PDE9A: variants seen among roughly 807,000 people sequenced by gnomAD.
PDE9A encodes phosphodiesterase 9A.
Under a neutral mutation model 87.4 loss-of-function variants are expected in PDE9A, and 60 were observed. The observed-to-expected ratio is 0.69, with a 90% CI of 0.56 to 0.85. The LOEUF (loss-of-function observed/expected upper bound fraction) is 0.85, where lower values mean the gene tolerates loss of function less well. PDE9A is among the 40% of genes least tolerant of loss of function. PDE9A has a pLI of 0.00. For missense variants in PDE9A, 665 were observed against 779.0 expected (o/e 0.85, Z 1.74); for synonymous variants, 272 against 279.4 (o/e 0.97, Z 0.27).
chr21:42,680,659 C>T (rs1056255433), intron 1 of PDE9A, among the ~76,000 whole-genome samples: 37 of 152,342 alleles, frequency 2.4e-4, no homozygotes, highest in Admixed American at 6.5e-4. Flanking sequence ...CCAGTCAAAC[C>T]GTGTGCCTGA....
chr21:42,663,684 AT>A (rs780399839), intron 1 of PDE9A, among the ~76,000 whole-genome samples: 4 of 152,020 alleles, frequency 2.6e-5, no homozygotes, highest in Admixed American at 6.6e-5. Context: ...TTGCAGCAGT[AT>A]GTCCTCATGC....
At chr21:42,715,525 G>A (rs887301921) in intron 4 of PDE9A, among the ~76,000 whole-genome samples, 8 of 151,726 alleles carry the variant, frequency 5.3e-5, no homozygotes, top group African/African-American at 1.9e-4. Context: ...TACTTGGCAG[G>A]GGAATCGCTT....
In PDE9A at chr21:42,759,727, T is replaced by C. The variant is rs2055483011; in HGVS notation, c.898-601T>C. 6.7e-6 allele frequency among the ~76,000 whole-genome samples: 1 copy of C among 148,212 alleles called. No individual in the cohort carries two copies. Among genetic ancestry groups the C allele is most frequent in the East Asian group, 2.0e-4 (1 of 5,046 alleles). ...CTGTGTGTGGGTGTGTGTGAGGGTGTGTGTGCATGTGTGTATCTGTGGATG... is the reference window on the plus strand; with the variant it reads ...CTGTGTGTGGGTGTGTGTGAGGGTGCGTGTGCATGTGTGTATCTGTGGATG... On this transcript the variant is annotated intron_variant, in intron 11 of 19. Transcript: ENST00000291539. The surrounding 1 kb of genome is among the most constrained non-coding windows in gnomAD (Gnocchi z 7.2).
chr21:42,727,313 G>A (rs556370801), intron 4 of PDE9A, among the ~76,000 whole-genome samples: 2 of 151,996 alleles, frequency 1.3e-5, no homozygotes, highest in Admixed American at 1.3e-4. Context: ...TTGAGTGACT[G>A]TAAATGGTAC....
In PDE9A at chr21:42,760,920, T is replaced by C. The variant is rs1352941943; in HGVS notation, c.1085+13T>C. On this transcript the variant is annotated intron_variant, in intron 13 of 19. Coordinates refer to ENST00000291539, the MANE Select transcript of PDE9A (RefSeq NM_002606.3). This position sits in a 1 kb window ranked among gnomAD's most constrained non-coding sequence, Gnocchi z 5.2. ...GCTACAACAACACGTATGTACAGGA[T>C]TTTCTCTTTTTTTCCTTTTAAAAGG... 1.9e-6 allele frequency: 3 copies of C among 1,569,160 alleles called. No individual in the cohort carries two copies. The highest frequency in any genetic ancestry group is 2.6e-6 in the Non-Finnish European group (3 of 1,139,030).
At chr21:42,748,052 A>G (rs1435506452) in intron 8 of PDE9A, among the ~76,000 whole-genome samples, 2 of 152,182 alleles carry the variant, frequency 1.3e-5, no homozygotes, top group Non-Finnish European at 2.9e-5. Flanking sequence ...CAGCTCTGGT[A>G]TCTGCAAGGA....
chr21:42,742,384 G>C (rs973412404), intron 7 of PDE9A, among the ~76,000 whole-genome samples: 4 of 151,866 alleles, frequency 2.6e-5, no homozygotes, highest in African/African-American at 9.7e-5. Flanking sequence ...CTTAGTGGGT[G>C]GTGGGAAGCC....
At chr21:42,725,905 A>C (rs2050984528) in intron 4 of PDE9A, among the ~76,000 whole-genome samples, 1 of 152,186 alleles carries the variant, frequency 6.6e-6, no homozygotes. Context: ...TGAAGAACCT[A>C]CCAGACTGTT....
At chr21:42,709,104 A>G (rs2049075091) in intron 4 of PDE9A, among the ~76,000 whole-genome samples, 1 of 152,234 alleles carries the variant, frequency 6.6e-6, no homozygotes, top group Non-Finnish European at 1.5e-5. Context: ...CATATACACC[A>G]TGGAATACTA....
chr21:42,681,446 CAT>C (rs1247768176), intron 1 of PDE9A, among the ~76,000 whole-genome samples: 1 of 152,228 alleles, frequency 6.6e-6, no homozygotes, highest in Non-Finnish European at 1.5e-5. Flanking sequence ...GAGCCACACA[CAT>C]CTCTGTGTGC....
chr21:42,698,800 A>C (rs1279914274), intron 3 of PDE9A, 168 bp from the exon 4 acceptor site: 2 of 482,458 alleles, frequency 4.1e-6, no homozygotes, highest in African/African-American at 4.0e-5. Context: ...AATTCATCTG[A>C]GTAAGGAAGC....
chr21:42,732,370 C>T (rs1045200788), intron 6 of PDE9A, among the ~76,000 whole-genome samples: 1 of 152,156 alleles, frequency 6.6e-6, no homozygotes, highest in Non-Finnish European at 1.5e-5. Flanking sequence ...AATGTGAGCT[C>T]GTGAGGTCGA....
At chr21:42,703,052 C>A (rs2048503207) in intron 4 of PDE9A, among the ~76,000 whole-genome samples, 1 of 152,114 alleles carries the variant, frequency 6.6e-6, no homozygotes, top group Non-Finnish European at 1.5e-5. Flanking sequence ...GGGGTGGGGG[C>A]CATGGAGGTG....
intron 4 of PDE9A, among the ~76,000 whole-genome samples, chr21:42,706,186 A>T (rs1289422363): frequency 1.3e-5 from 2 of 152,232 alleles, no homozygotes; most frequent in Non-Finnish European, 2.9e-5. Flanking sequence ...ATGCATTTAC[A>T]GTCCAGCCGC....
In PDE9A at chr21:42,675,691, T is replaced by C. The variant is rs1296212484; in HGVS notation, c.70-10501T>C. 2.6e-5 allele frequency among the ~76,000 whole-genome samples: 4 copies of C among 152,160 alleles called. No homozygotes were observed. ...ATAAGAGGAGAGTCCCATGCAGCCA[T>C]AAGAAAGACAACGGAGAGATCTGTG... On this transcript the variant is annotated intron_variant, in intron 1 of 19. Coordinates refer to ENST00000291539, the MANE Select transcript of PDE9A (RefSeq NM_002606.3). This position sits in a 1 kb window ranked among gnomAD's most constrained non-coding sequence, Gnocchi z 4.3.
Position 42,716,322 on chromosome 21 carries a change from A to G in PDE9A, c.263-15448A>G, listed in dbSNP as rs553067568. 1.5e-4 allele frequency among the ~76,000 whole-genome samples: 23 copies of G among 151,896 alleles called. 1 individual carries two copies. The East Asian group carries it at 2.9e-3, about 19-fold the overall frequency. ...AAGAAGCTGCCAAACGGTCTTCCAA[A>G]GTGACTGGGCCATTTTGCATTCCCA... On this transcript the variant is annotated intron_variant, in intron 4 of 19. Coordinates refer to ENST00000291539, the MANE Select transcript of PDE9A (RefSeq NM_002606.3).
chr21:42,703,029 G>A (rs562736352), intron 4 of PDE9A, among the ~76,000 whole-genome samples: 64 of 152,352 alleles, frequency 4.2e-4, no homozygotes, highest in African/African-American at 1.4e-3. Context: ...GGGAGGAGGC[G>A]GAGGCCTAGG....
At chr21:42,698,329 C>G (rs969472030) in intron 3 of PDE9A, among the ~76,000 whole-genome samples, 2 of 152,178 alleles carry the variant, frequency 1.3e-5, no homozygotes, top group African/African-American at 4.8e-5. Flanking sequence ...TGGATTTTTT[C>G]TTACTCCTCT....
chr21:42,724,550 C>T, intron 4 of PDE9A: 2 of 983,554 alleles, frequency 2.0e-6, no homozygotes, highest in Non-Finnish European at 2.4e-6. Flanking sequence ...TGCTTCTTTC[C>T]CCCAGCAAAA....
Sources: gnomAD v4.1 joint callset for allele counts (sites outside exome capture counted in the v4.1 genomes callset) on GRCh38, gnomAD v4.1.1 for gene constraint, Gnocchi (gnomAD v3.1) non-coding constraint, MANE v1.5 for transcripts, NCBI Gene and HGNC (gene_info 2026-07-23, HGNC 2026-07-21) for gene names.